The following GKAP1 variants were observed in gnomAD, a reference collection of about 807,000 sequenced individuals.
The protein encoded by GKAP1 is G kinase-anchoring protein 1.
A neutral mutation model predicts 56.7 loss-of-function variants in GKAP1; 31 were observed. The observed-to-expected ratio is 0.55, with a 90% CI of 0.41 to 0.74. The LOEUF is 0.74. Ranked by LOEUF, GKAP1 falls within the 30% of genes least tolerant of loss-of-function variation. The probability of loss-of-function intolerance (pLI) is 0.00; values close to 1 mark genes in which losing one functional copy is unlikely to be tolerated. For missense variants in GKAP1, 364 were observed against 402.3 expected (o/e 0.90, Z 0.82); for synonymous variants, 151 against 138.6 (o/e 1.09, Z -0.63).
intron 4 of GKAP1, among the ~76,000 whole-genome samples, chr9:83,793,900 C>T (rs1321451379): frequency 6.6e-6 from 1 of 152,164 alleles, no homozygotes; most frequent in Non-Finnish European, 1.5e-5. Context: ...GGTGTGGTGG[C>T]TCATGCCTAC....
chr9:83,813,719 G>A (rs1944543201), intron 2 of GKAP1, among the ~76,000 whole-genome samples: 1 of 152,208 alleles, frequency 6.6e-6, no homozygotes, highest in East Asian at 1.9e-4. Context: ...TTCTCAATAT[G>A]CAGGCAGTTC....
intron 7 of GKAP1, among the ~76,000 whole-genome samples, chr9:83,779,213 T>TA (rs747380696): frequency 5.9e-4 from 90 of 152,014 alleles, no homozygotes; most frequent in Non-Finnish European, 1.1e-3. Context: ...AATTTTAATC[T>TA]AAAAAATGAT....
intron 8 of GKAP1, among the ~76,000 whole-genome samples, chr9:83,755,835 G>T (rs983665941): frequency 7.7e-6 from 1 of 129,916 alleles, no homozygotes; most frequent in South Asian, 2.3e-4. Context: ...ACGAAGTCTC[G>T]ATCTTATCTC....
chr9:83,743,824 A>G (rs540095025), intron 10 of GKAP1, among the ~76,000 whole-genome samples: 1 of 152,252 alleles, frequency 6.6e-6, no homozygotes, highest in South Asian at 2.1e-4. Context: ...GAAGCGAGGT[A>G]TCTATACTTT....
intron 2 of GKAP1, among the ~76,000 whole-genome samples, chr9:83,809,983 AT>A (rs550482721): frequency 6.6e-6 from 1 of 151,424 alleles, no homozygotes; most frequent in African/African-American, 2.4e-5. Context: ...AATTTTTTCT[AT>A]TTTTTTTATA....
At chr9:83,749,994 C>T (rs1409223226) in intron 9 of GKAP1, among the ~76,000 whole-genome samples, 5 of 152,282 alleles carry the variant, frequency 3.3e-5, no homozygotes, top group East Asian at 3.9e-4. Flanking sequence ...GAATATGAAA[C>T]TACACTCGCT....
intron 7 of GKAP1, among the ~76,000 whole-genome samples, chr9:83,771,807 T>G (rs1943767170): frequency 6.6e-6 from 1 of 152,184 alleles, no homozygotes; most frequent in Non-Finnish European, 1.5e-5. Context: ...TGAGCTTCTG[T>G]GGAAAGAATA....
chr9:83,777,400 C>T (rs1943882042), intron 7 of GKAP1, among the ~76,000 whole-genome samples: 1 of 152,076 alleles, frequency 6.6e-6, no homozygotes, highest in South Asian at 2.1e-4. Context: ...AAAACAACTT[C>T]AGTCCAACAG....
intron 9 of GKAP1, among the ~76,000 whole-genome samples, chr9:83,752,486 G>A (rs1025906498): frequency 4.6e-5 from 7 of 152,098 alleles, no homozygotes; most frequent in Admixed American, 2.6e-4. Flanking sequence ...GATAAACACT[G>A]TATGATTCCA....
At chr9:83,803,819 C>T (rs1233873910) in intron 3 of GKAP1, among the ~76,000 whole-genome samples, 3 of 151,446 alleles carry the variant, frequency 2.0e-5, no homozygotes, top group Admixed American at 6.6e-5. Context: ...AGCGCCTCTT[C>T]CCGGCAGCCA....
chr9:83,800,947 A>G (rs1375934458), intron 3 of GKAP1, among the ~76,000 whole-genome samples: 1 of 152,230 alleles, frequency 6.6e-6, no homozygotes, highest in African/African-American at 2.4e-5. Flanking sequence ...GTCTTTGCAC[A>G]TTTGAAGTGT....
chr9:83,745,623 C>T (rs187304337), intron 10 of GKAP1, among the ~76,000 whole-genome samples: 14 of 152,170 alleles, frequency 9.2e-5, no homozygotes, highest in South Asian at 2.1e-4. Context: ...ACATCCAATA[C>T]GCAATGATAC....
chr9:83,789,004 G>C, intron 4 of GKAP1: 1 of 178,012 alleles, frequency 5.6e-6, no homozygotes, highest in Non-Finnish European at 1.2e-5. Flanking sequence ...TTCAGTTTAG[G>C]ACACTAAAAA....
At chr9:83,795,322 T>C (rs1396298601) in intron 4 of GKAP1, among the ~76,000 whole-genome samples, 1 of 152,166 alleles carries the variant, frequency 6.6e-6, no homozygotes, top group African/African-American at 2.4e-5. Context: ...TACACATCTT[T>C]TGATATATAC....
At chr9:83,758,736 TC>T (rs1018498874) in intron 8 of GKAP1, among the ~76,000 whole-genome samples, 4 of 149,022 alleles carry the variant, frequency 2.7e-5, no homozygotes, top group Admixed American at 1.3e-4. Context: ...TGACAGAGAC[TC>T]CATCTCCAAA....
intron 10 of GKAP1, among the ~76,000 whole-genome samples, chr9:83,747,372 G>A (rs1337000048): frequency 6.6e-6 from 1 of 152,066 alleles, no homozygotes; most frequent in Non-Finnish European, 1.5e-5. Context: ...CAGAGTAGCA[G>A]CAAAAGTATG....
chr9:83,789,534 G>C (rs1360125178), intron 4 of GKAP1, among the ~76,000 whole-genome samples: 1 of 152,102 alleles, frequency 6.6e-6, no homozygotes, highest in Non-Finnish European at 1.5e-5. Flanking sequence ...TAAATTTAGT[G>C]GGCATCTCTT....
chr9:83,770,449 AGTTT>A (rs1264974066), intron 7 of GKAP1, among the ~76,000 whole-genome samples: 2 of 152,182 alleles, frequency 1.3e-5, no homozygotes, highest in Non-Finnish European at 2.9e-5. Flanking sequence ...CAAAATCAAT[AGTTT>A]GTTTCTGAAC....
At chr9:83,766,234 T>C (rs1324235168) in intron 8 of GKAP1, among the ~76,000 whole-genome samples, 11 of 152,152 alleles carry the variant, frequency 7.2e-5, no homozygotes, top group Non-Finnish European at 5.9e-5. Context: ...CTTTCTACCA[T>C]GATTGTTAAG....
Sources: allele counts gnomAD v4.1 joint callset (sites outside exome capture counted in the v4.1 genomes callset), GRCh38; gene constraint gnomAD v4.1.1; transcripts MANE v1.5; gene names NCBI Gene and HGNC (gene_info 2026-07-23, HGNC 2026-07-21).